RPL22: variants seen among roughly 807,000 people sequenced by gnomAD.
RPL22 encodes the protein ribosomal protein L22.
A neutral mutation model predicts 16.2 loss-of-function variants in RPL22; 4 were observed. The ratio of observed to expected loss-of-function variants is 0.25; its 90% confidence interval spans 0.12 to 0.57. The LOEUF (loss-of-function observed/expected upper bound fraction) is 0.57. RPL22 is among the 20% of genes least tolerant of loss of function. The pLI is 0.92. For synonymous variants in RPL22, 43 were observed against 54.8 expected, an observed-to-expected ratio of 0.78 and a Z score of 0.95; for missense variants, 83 against 156.1, an observed-to-expected ratio of 0.53 and a Z score of 2.49.
Position 6,197,783 on chromosome 1 carries a change from A to T in RPL22, c.13-27T>A, listed in dbSNP as rs775727908. ...TAAGAAAATACACAAATGATAACAG[A>T]GATGAAGTTTCAGTCAGTCGGAAAA... On this transcript the variant is annotated intron_variant, in intron 1 of 3. Coordinates refer to ENST00000234875, the MANE Select transcript of RPL22 (RefSeq NM_000983.4). The T allele has an allele frequency of 2.6e-5, 38 of 1,484,766 alleles. No individual in the cohort carries two copies. In the South Asian group the frequency reaches 4.1e-4, roughly 16 times the overall value. The allele number at this position is 1,484,766 out of a possible 1,614,324, so 92.0% of individuals were successfully genotyped here. A position where few individuals can be genotyped will look rare whatever the true frequency, so the allele number is the denominator to read the frequency against.
chr1:6,193,364 G>T (rs1571187224), intron 2 of RPL22, among the ~76,000 whole-genome samples: 2 of 138,638 alleles, frequency 1.4e-5, no homozygotes, highest in Admixed American at 7.5e-5. Flanking sequence ...AGCTCTTGTT[G>T]CCCAGGCTGG....
chr1:6,186,894 A>G, intron 3 of RPL22, 78 bp from the exon 4 acceptor site: 7 of 1,583,114 alleles, frequency 4.4e-6, no homozygotes, highest in Non-Finnish European at 6.0e-6. Context: ...TATAAAACCC[A>G]GCACTCAAAA....
At chr1:6,193,095 A>C in intron 2 of RPL22, 41 bp from the exon 3 acceptor site, 6 of 1,610,764 alleles carry the variant, frequency 3.7e-6, no homozygotes, top group Non-Finnish European at 5.1e-6. Flanking sequence ...TGACAAGTTC[A>C]TCTGTCTCAA....
intron 3 of RPL22, among the ~76,000 whole-genome samples, chr1:6,192,160 C>T (rs1265229369): frequency 6.6e-6 from 1 of 152,106 alleles, no homozygotes; most frequent in Non-Finnish European, 1.5e-5. Flanking sequence ...AGCCATCCTC[C>T]CACTTCAGCT....
At chr1:6,188,453 G>A (rs542399666) in intron 3 of RPL22, among the ~76,000 whole-genome samples, 24 of 152,098 alleles carry the variant, frequency 1.6e-4, no homozygotes, top group Non-Finnish European at 2.4e-4. Context: ...ACTTTGTGAG[G>A]CCAAGGTGAG....
rs1571184160 is a variant in RPL22 at position 6,187,666 on chromosome 1, T to G, written c.243-850A>C. Reference sequence around the variant, plus strand: ...AAGAGCAGATAAGTAGATAAGTAGATGTACCAGTTGTCCATGAAAATGCAG... The same window carrying G: ...AAGAGCAGATAAGTAGATAAGTAGAGGTACCAGTTGTCCATGAAAATGCAG... On this transcript the variant is annotated intron_variant, in intron 3 of 3. Coordinates refer to ENST00000234875, the MANE Select transcript of RPL22 (RefSeq NM_000983.4). Among the ~76,000 whole-genome samples, 3 of 147,716 alleles carry G rather than the reference T, an allele frequency of 2.0e-5. 1 individual carries two copies. In the Middle Eastern group the frequency reaches 0.011, roughly 531 times the overall value.
At chr1:6,189,005 G>A (rs1164635907) in intron 3 of RPL22, among the ~76,000 whole-genome samples, 1 of 152,114 alleles carries the variant, frequency 6.6e-6, no homozygotes, top group Non-Finnish European at 1.5e-5. Flanking sequence ...AGGCTGGTCT[G>A]GAACTCCCGA....
Position 6,188,975 on chromosome 1 carries a change from G to A in RPL22, c.243-2159C>T, listed in dbSNP as rs555057469. On this transcript the variant is annotated intron_variant, in intron 3 of 3. Coordinates refer to ENST00000234875, the MANE Select transcript of RPL22 (RefSeq NM_000983.4). Reference sequence around the variant, plus strand: ...TAATTTTGTATTTTTAGTAAGAGACGGGGTTTCTCCATGTTGGTCAGGCTG... The same window carrying A: ...TAATTTTGTATTTTTAGTAAGAGACAGGGTTTCTCCATGTTGGTCAGGCTG... Among the ~76,000 whole-genome samples the A allele has an allele frequency of 3.2e-4, 49 of 152,204 alleles. 1 individual carries two copies. The South Asian group carries it at 9.5e-3, about 30-fold the overall frequency.
chr1:6,199,329 G>C (rs1667764318), intron 1 of RPL22: 2 of 1,226,610 alleles, frequency 1.6e-6, no homozygotes, highest in Non-Finnish European at 1.0e-6. Flanking sequence ...CCCTAGCTGG[G>C]GCCCCGGGCC....
chr1:6,192,255 C>G (rs886791957), intron 3 of RPL22, among the ~76,000 whole-genome samples: 2 of 152,158 alleles, frequency 1.3e-5, no homozygotes, highest in African/African-American at 4.8e-5. Context: ...CTATGTTGCC[C>G]AGGCTGGTCT....
intron 2 of RPL22, among the ~76,000 whole-genome samples, chr1:6,195,725 T>G (rs1000767145): frequency 6.6e-6 from 1 of 151,624 alleles, no homozygotes; most frequent in Non-Finnish European, 1.5e-5. Context: ...CACTCCAGCC[T>G]GGGTGACAGA....
intron 3 of RPL22, among the ~76,000 whole-genome samples, chr1:6,191,559 C>T (rs1445201550): frequency 1.3e-5 from 2 of 150,914 alleles, no homozygotes; most frequent in Non-Finnish European, 2.9e-5. Context: ...CCTGTAGTCC[C>T]AGCTACTCGG....
intron 3 of RPL22, among the ~76,000 whole-genome samples, chr1:6,192,177 G>A (rs996177248): frequency 3.3e-5 from 5 of 152,000 alleles, no homozygotes; most frequent in Non-Finnish European, 7.4e-5. Context: ...AGCTCCCCAA[G>A]TGGCTGGACT....
At chr1:6,196,231 G>A (rs1667717473) in intron 2 of RPL22, among the ~76,000 whole-genome samples, 1 of 152,148 alleles carries the variant, frequency 6.6e-6, no homozygotes, top group African/African-American at 2.4e-5. Flanking sequence ...CACACAAACA[G>A]ATGAGTGGGC....
intron 3 of RPL22, among the ~76,000 whole-genome samples, chr1:6,187,961 C>CGCCCAGAGAGCACAAAGCCTTT: frequency 6.6e-6 from 1 of 152,370 alleles, no homozygotes; most frequent in Middle Eastern, 3.4e-3. Context: ...ACTGCGCTCA[C>CGCCCAGAGAGCACAAAGCCTTT]GCCCAGAGAG....
intron 2 of RPL22, among the ~76,000 whole-genome samples, chr1:6,193,862 C>G (rs1667683662): frequency 6.6e-6 from 1 of 152,224 alleles, no homozygotes; most frequent in Admixed American, 6.5e-5. Context: ...TACTTCCACA[C>G]AAGGCCGACT....
At position 6,199,528 on chromosome 1, in the gene RPL22, C is replaced by G. The variant is rs369611211; in HGVS notation, c.12+34G>C. The G allele has an allele frequency of 1.9e-5, 30 of 1,554,552 alleles. No individual in the cohort carries two copies. The African/African-American group carries it at 3.4e-4, about 18-fold the overall frequency. On this transcript the variant is annotated intron_variant, in intron 1 of 3. Transcript: ENST00000234875. ...GCTCGGCGAGGCCCACGTGCCTCCC[C>G]TGGAGCCGAGGCCTCACGCGGAGCC...
chr1:6,196,889 C>A (rs1450360446), intron 2 of RPL22, among the ~76,000 whole-genome samples: 5 of 152,196 alleles, frequency 3.3e-5, no homozygotes, highest in Admixed American at 3.3e-4. Flanking sequence ...TGCCACCTGT[C>A]CAAAGCTCCA....
intron 1 of RPL22, 196 bp downstream of exon 1, chr1:6,199,366 G>C (rs1333251388): frequency 1.5e-6 from 2 of 1,316,170 alleles, no homozygotes; most frequent in Non-Finnish European, 1.9e-6. Context: ...TCTCCCTCAC[G>C]AGCCTCGGGC....
Sources: allele counts gnomAD v4.1 joint callset (sites outside exome capture counted in the v4.1 genomes callset), GRCh38; gene constraint gnomAD v4.1.1; transcripts MANE v1.5; gene names NCBI Gene and HGNC (gene_info 2026-07-23, HGNC 2026-07-21).